RERE: variants seen among roughly 807,000 people sequenced by gnomAD.
RERE encodes arginine-glutamic acid dipeptide repeats protein.
RERE carries 40 observed loss-of-function variants against 146.1 expected under a neutral mutation model. That is an observed-to-expected ratio of 0.27 (90% CI 0.21 to 0.36). The LOEUF (loss-of-function observed/expected upper bound fraction) is 0.36. RERE is among the 10% of genes least tolerant of loss of function. The pLI is 1.00. For synonymous variants in RERE, 1,003 were observed against 866.0 expected (o/e 1.16, Z -2.78); for missense variants, 1,933 against 2,138.7 (o/e 0.90, Z 1.90).
chr1:8,574,818 CATTTT>C (rs1646270678), intron 4 of RERE, among the ~76,000 whole-genome samples: 1 of 152,132 alleles, frequency 6.6e-6, no homozygotes, highest in African/African-American at 2.4e-5. Flanking sequence ...GGAGTGCACA[CATTTT>C]ATTTCTTGAT....
chr1:8,584,814 T>C (rs1050900709), intron 4 of RERE, among the ~76,000 whole-genome samples: 2 of 152,186 alleles, frequency 1.3e-5, no homozygotes, highest in East Asian at 3.9e-4. Context: ...AGTACTAGTA[T>C]TGTTACTCTG....
intron 4 of RERE, among the ~76,000 whole-genome samples, chr1:8,594,855 A>C (rs1646536526): frequency 6.6e-6 from 1 of 152,146 alleles, no homozygotes; most frequent in African/African-American, 2.4e-5. Context: ...GAGCAAAAGC[A>C]TATTATTAAA....
chr1:8,444,259 T>A (rs537024268), intron 11 of RERE, among the ~76,000 whole-genome samples: 1 of 152,368 alleles, frequency 6.6e-6, no homozygotes, highest in African/African-American at 2.4e-5. Context: ...TAAGATTTAA[T>A]GATTGCCCTG....
intron 1 of RERE, among the ~76,000 whole-genome samples, chr1:8,660,502 G>C (rs1459878050): frequency 6.6e-6 from 1 of 152,226 alleles, no homozygotes; most frequent in Non-Finnish European, 1.5e-5. Flanking sequence ...TCGCTTTACA[G>C]TCTACAGAAC....
At chr1:8,398,029 GCCAGAGAA>G (rs556105437) in intron 12 of RERE, among the ~76,000 whole-genome samples, 442 of 152,350 alleles carry the variant, frequency 2.9e-3, no homozygotes, top group African/African-American at 9.9e-3. Context: ...ACAATGCAGA[GCCAGAGAA>G]AGGCCCTAAG....
In RERE at chr1:8,365,985, G is replaced by A. The variant is rs561041940; in HGVS notation, c.1285-11C>T. ...GGTGATCAGCTCCCCCTGCAGAAGA[G>A]AAGGGCTGACTGTGGGGGAGGGCCT... On this transcript the variant is annotated splice_polypyrimidine_tract_variant and intron_variant, in intron 12 of 22. Transcript: ENST00000400908. 2 of 1,612,078 alleles carry A rather than the reference G, an allele frequency of 1.2e-6. No individual in the cohort carries two copies. Among genetic ancestry groups the A allele is most frequent in the African/African-American group, 1.3e-5 (1 of 75,020 alleles).
At chr1:8,657,306 C>CAAAAA (rs1400489828) in intron 1 of RERE, among the ~76,000 whole-genome samples, 15 of 14,228 alleles carry the variant, frequency 1.1e-3, no homozygotes, top group African/African-American at 4.2e-3. Context: ...GACTCCGTCT[C>CAAAAA]AAAAAAAAAA....
At chr1:8,690,469 A>C (rs942584543) in intron 1 of RERE, among the ~76,000 whole-genome samples, 1 of 152,204 alleles carries the variant, frequency 6.6e-6, no homozygotes, top group Non-Finnish European at 1.5e-5. Context: ...CGCCTACACA[A>C]TTTCTTTACT....
chr1:8,518,888 A>G (rs1332036316), intron 7 of RERE, among the ~76,000 whole-genome samples: 8 of 152,218 alleles, frequency 5.3e-5, no homozygotes, highest in African/African-American at 1.9e-4. Flanking sequence ...CTCTGGGCAC[A>G]CTTTCTGTGG....
At chr1:8,704,604 G>T (rs563245960) in intron 1 of RERE, among the ~76,000 whole-genome samples, 1 of 152,208 alleles carries the variant, frequency 6.6e-6, no homozygotes, top group Non-Finnish European at 1.5e-5. Flanking sequence ...CTCTCAACAA[G>T]ATGGGGGTGG....
intron 7 of RERE, chr1:8,511,779 CTT>C (rs775118842): frequency 1.1e-4 from 15 of 141,200 alleles, no homozygotes; most frequent in Non-Finnish European, 1.1e-4. Context: ...TTTTCTTTTT[CTT>C]TTTTTTTTTT....
chr1:8,789,088 T>TA (rs990544108), intron 1 of RERE, among the ~76,000 whole-genome samples: 52 of 151,396 alleles, frequency 3.4e-4, no homozygotes, highest in African/African-American at 1.3e-3. Flanking sequence ...TATTATTTTT[T>TA]AAAAAACTAA....
chr1:8,447,836 C>A (rs1644341501), intron 11 of RERE, among the ~76,000 whole-genome samples: 1 of 152,224 alleles, frequency 6.6e-6, no homozygotes, highest in South Asian at 2.1e-4. Context: ...CCAGGCTCTG[C>A]CTGCTTCTCC....
At chr1:8,615,324 G>C (rs1646840229) in intron 3 of RERE, among the ~76,000 whole-genome samples, 1 of 152,200 alleles carries the variant, frequency 6.6e-6, no homozygotes, top group African/African-American at 2.4e-5. Flanking sequence ...AATAGGCACA[G>C]AGCATAAAGT....
At chr1:8,581,903 A>AT (rs1219905318) in intron 4 of RERE, among the ~76,000 whole-genome samples, 3 of 151,800 alleles carry the variant, frequency 2.0e-5, no homozygotes, top group African/African-American at 7.3e-5. Context: ...GTACATAGAG[A>AT]TTTTTTTTCC....
intron 1 of RERE, among the ~76,000 whole-genome samples, chr1:8,661,472 TTC>T (rs1638455413): frequency 6.6e-6 from 1 of 152,154 alleles, no homozygotes; most frequent in African/African-American, 2.4e-5. Context: ...ATGATCTGAC[TTC>T]TGTTTACCGG....
intron 11 of RERE, among the ~76,000 whole-genome samples, chr1:8,430,703 C>T (rs1422395063): frequency 6.6e-6 from 1 of 152,206 alleles, no homozygotes; most frequent in Non-Finnish European, 1.5e-5. Context: ...CTCCCCAAGG[C>T]CTTCAGGCTT....
At chr1:8,735,105 C>T (rs553879789) in intron 1 of RERE, among the ~76,000 whole-genome samples, 2 of 152,098 alleles carry the variant, frequency 1.3e-5, no homozygotes, top group South Asian at 4.1e-4. Context: ...TTCTTAATAA[C>T]TCATAATTAT....
At chr1:8,805,018 T>G (rs1209029219) in intron 1 of RERE, among the ~76,000 whole-genome samples, 4 of 143,414 alleles carry the variant, frequency 2.8e-5, no homozygotes, top group East Asian at 2.0e-4. Flanking sequence ...GTTTTTTTTT[T>G]TTTTTTTTTT....
Sources: gnomAD v4.1 joint callset for allele counts (sites outside exome capture counted in the v4.1 genomes callset) on GRCh38, gnomAD v4.1.1 for gene constraint, MANE v1.5 for transcripts, NCBI Gene and HGNC (gene_info 2026-07-23, HGNC 2026-07-21) for gene names.